FOXP1: variants seen among roughly 807,000 people sequenced by gnomAD.
FOXP1 encodes forkhead box P1.
A neutral mutation model predicts 98.2 loss-of-function variants in FOXP1; 15 were observed. The observed-to-expected ratio is 0.15, with a 90% CI of 0.10 to 0.24. The LOEUF is 0.24. FOXP1 is among the 10% of genes least tolerant of loss of function. The pLI, the probability that FOXP1 is intolerant of heterozygous loss-of-function variation, is 1.00. For missense variants in FOXP1, 633 were observed against 848.5 expected, an observed-to-expected ratio of 0.75 and a Z score of 3.15; for synonymous variants, 371 against 314.5, an observed-to-expected ratio of 1.18 and a Z score of -1.90.
chr3:71,338,574 C>CCCG (rs1299445403), intron 4 of FOXP1, among the ~76,000 whole-genome samples: 1 of 152,110 alleles, frequency 6.6e-6, no homozygotes, highest in Non-Finnish European at 1.5e-5. Flanking sequence ...ACTACAGGGG[C>CCCG]CCGCCACCAT....
intron 7 of FOXP1, among the ~76,000 whole-genome samples, chr3:71,098,614 CTTAGGTATT>C (rs1480382127): frequency 6.6e-6 from 1 of 152,102 alleles, no homozygotes; most frequent in Non-Finnish European, 1.5e-5. Flanking sequence ...TTCTTTTTGG[CTTAGGTATT>C]TTACTCCTTC....
intron 11 of FOXP1, among the ~76,000 whole-genome samples, chr3:71,022,078 T>C (rs2045521568): frequency 6.6e-6 from 1 of 152,224 alleles, no homozygotes; most frequent in Admixed American, 6.5e-5. Context: ...TAAAGAACTT[T>C]ATAGCTTTAG....
At chr3:71,126,875 A>AAAAAAAAAAAAAAAACAAACAAAC (rs1575879088) in intron 6 of FOXP1, among the ~76,000 whole-genome samples, 19 of 123,728 alleles carry the variant, frequency 1.5e-4, no homozygotes, top group Admixed American at 3.2e-4. Context: ...AACAAACAAA[A>AAAAAAAAAAAAAAAACAAACAAAC]AAAAAAAACA....
intron 4 of FOXP1, among the ~76,000 whole-genome samples, chr3:71,322,586 T>C (rs976836115): frequency 4.6e-5 from 7 of 152,238 alleles, no homozygotes; most frequent in African/African-American, 1.4e-4. Flanking sequence ...AGGAGCCAGG[T>C]GGAGCGAGGC....
chr3:71,424,548 G>A (rs1322054967), intron 3 of FOXP1, among the ~76,000 whole-genome samples: 1 of 151,966 alleles, frequency 6.6e-6, no homozygotes, highest in Non-Finnish European at 1.5e-5. Context: ...TAAGAACACT[G>A]GGGACCACCA....
chr3:71,254,183 C>G (rs2068444732), intron 5 of FOXP1, among the ~76,000 whole-genome samples: 1 of 152,046 alleles, frequency 6.6e-6, no homozygotes, highest in Admixed American at 6.6e-5. Context: ...GTATTTTCCT[C>G]CCCCCTAACT....
intron 4 of FOXP1, among the ~76,000 whole-genome samples, chr3:71,304,297 C>T (rs1174690443): frequency 1.3e-5 from 2 of 152,134 alleles, no homozygotes; most frequent in Non-Finnish European, 2.9e-5. Flanking sequence ...AAACCCTGGC[C>T]GTGGTCATGT....
intron 7 of FOXP1, among the ~76,000 whole-genome samples, chr3:71,072,344 T>C (rs2053349928): frequency 6.6e-6 from 1 of 152,096 alleles, no homozygotes; most frequent in East Asian, 1.9e-4. Context: ...AATGAATGAA[T>C]GAAACCAGAA....
At chr3:71,519,474 T>C (rs1392831002) in intron 2 of FOXP1, among the ~76,000 whole-genome samples, 1 of 152,114 alleles carries the variant, frequency 6.6e-6, no homozygotes, top group Non-Finnish European at 1.5e-5. Context: ...GCACAGAGCC[T>C]CCTAACTCTC....
At chr3:71,400,012 A>C (rs560505031) in intron 3 of FOXP1, among the ~76,000 whole-genome samples, 2 of 152,332 alleles carry the variant, frequency 1.3e-5, no homozygotes, top group South Asian at 4.1e-4. Context: ...GCCAAATCTA[A>C]TTAATGCAGT....
At chr3:71,228,831 A>G (rs537286100) in intron 5 of FOXP1, among the ~76,000 whole-genome samples, 2 of 152,364 alleles carry the variant, frequency 1.3e-5, no homozygotes, top group Non-Finnish European at 2.9e-5. Context: ...TTTATGGTAC[A>G]AAATGGAAAA....
intron 6 of FOXP1, among the ~76,000 whole-genome samples, chr3:71,142,032 T>C (rs140247217): frequency 6.6e-6 from 1 of 152,324 alleles, no homozygotes; most frequent in African/African-American, 2.4e-5. Flanking sequence ...ACTAATCCTA[T>C]GTCTACTTCA....
intron 7 of FOXP1, among the ~76,000 whole-genome samples, chr3:71,089,456 ACT>A (rs2055545290): frequency 6.6e-6 from 1 of 152,036 alleles, no homozygotes; most frequent in African/African-American, 2.4e-5. Flanking sequence ...CAGCTAAGCC[ACT>A]CCCCTATCTC....
At chr3:71,576,836 G>A (rs761256427) in intron 2 of FOXP1, among the ~76,000 whole-genome samples, 1 of 152,156 alleles carries the variant, frequency 6.6e-6, no homozygotes, top group African/African-American at 2.4e-5. Flanking sequence ...TCAGGTACTA[G>A]GTAGGTTCTC....
At chr3:71,582,439 G>C in intron 1 of FOXP1, 1 of 985,388 alleles carries the variant, frequency 1.0e-6, no homozygotes, top group South Asian at 4.7e-5. Context: ...GCTCCAGGGA[G>C]TCGTCTCGGC....
chr3:71,245,797 A>AC (rs2067693006), intron 5 of FOXP1, among the ~76,000 whole-genome samples: 1 of 148,762 alleles, frequency 6.7e-6, no homozygotes, highest in Non-Finnish European at 1.5e-5. Context: ...TCCTCCAATC[A>AC]CCACCCCCCC....
chr3:71,269,571 A>C (rs2070122595), intron 5 of FOXP1, among the ~76,000 whole-genome samples: 1 of 152,180 alleles, frequency 6.6e-6, no homozygotes, highest in African/African-American at 2.4e-5. Flanking sequence ...CATTAGTACT[A>C]AACAATATTC....
chr3:71,476,406 T>A (rs1479828267), intron 3 of FOXP1, among the ~76,000 whole-genome samples: 8 of 130,350 alleles, frequency 6.1e-5, no homozygotes, highest in Non-Finnish European at 1.4e-4. Flanking sequence ...CTGGTTTCCT[T>A]TCATTCTCTT....
chr3:70,974,473 A>T (rs1559609042), intron 17 of FOXP1, among the ~76,000 whole-genome samples: 2 of 151,818 alleles, frequency 1.3e-5, no homozygotes, highest in Non-Finnish European at 2.9e-5. Context: ...AATTTTAAAA[A>T]TTTTTTGTAG....
Sources: gnomAD v4.1 joint callset for allele counts (sites outside exome capture counted in the v4.1 genomes callset) on GRCh38, gnomAD v4.1.1 for gene constraint, MANE v1.5 for transcripts, NCBI Gene and HGNC (gene_info 2026-07-23, HGNC 2026-07-21) for gene names.